KCNJ4: variants seen among roughly 807,000 people sequenced by gnomAD.
KCNJ4 encodes potassium inwardly rectifying channel subfamily J member 4, also known as inward rectifier potassium channel 4.
Under a neutral mutation model 25.6 loss-of-function variants are expected in KCNJ4, and 3 were observed. The ratio of observed to expected loss-of-function variants is 0.12; its 90% confidence interval spans 0.05 to 0.30. The LOEUF is 0.30. Among genes scored for constraint, KCNJ4 ranks in the 10% least tolerant of loss-of-function variants. The pLI is 1.00. For synonymous variants in KCNJ4, 257 were observed against 283.9 expected, an observed-to-expected ratio of 0.91 and a Z score of 0.95; for missense variants, 286 against 666.8, an observed-to-expected ratio of 0.43 and a Z score of 6.29.
At position 38,426,941 on chromosome 22, in the gene KCNJ4, C is replaced by T. The variant is rs1254847020; in HGVS notation, c.1192G>A (p.Ala398Thr). 3 of 1,612,416 alleles carry T rather than the reference C, an allele frequency of 1.9e-6. No individual in the cohort carries two copies. In the African/African-American group the frequency reaches 4.0e-5, roughly 22 times the overall value. The change falls in exon 2 of 2, where the codon GCC becomes ACC. Residue 398 changes from alanine to threonine, a missense_variant. Physicochemically the swap from Ala to Thr is moderately conservative, Grantham distance 58. This residue lies in a region of KCNJ4 where 77 missense variants were observed against 97.6 expected (regional missense o/e 0.79). Transcript: ENST00000303592. ...EEEAAAAAAV[A>T]AGLGLEAGSK... is the part of the protein sequence containing the mutation. ...CCCGCCTCCAGGCCCAGGCCTGCGG[C>T]CACCGCGGCCGCCGCAGCTGCCTCC... is the stretch of plus-strand genomic sequence containing the variant.
chr22:38,434,140 G>C (rs2093058498), intron 1 of KCNJ4, among the ~76,000 whole-genome samples: 1 of 152,218 alleles, frequency 6.6e-6, no homozygotes, highest in Non-Finnish European at 1.5e-5. Context: ...CCTTTAGACA[G>C]GAGCAGGAAG....
intron 1 of KCNJ4, among the ~76,000 whole-genome samples, chr22:38,440,401 G>A (rs754084963): frequency 1.3e-5 from 2 of 152,078 alleles, no homozygotes; most frequent in African/African-American, 2.4e-5. Flanking sequence ...AATTAGCCAG[G>A]CATGGTGGTG....
intron 1 of KCNJ4, among the ~76,000 whole-genome samples, chr22:38,431,951 G>GT (rs111418413): frequency 0.13 from 18,559 of 145,268 alleles, 1,761 homozygotes; most frequent in African/African-American, 0.28. Context: ...GACTAGAGAT[G>GT]TTTTTTTTTT....
At chr22:38,445,969 C>T (rs959270205) in intron 1 of KCNJ4, among the ~76,000 whole-genome samples, 1 of 152,120 alleles carries the variant, frequency 6.6e-6, no homozygotes, top group Non-Finnish European at 1.5e-5. Flanking sequence ...CTGTTAGACC[C>T]CCCAGCTCAC....
chr22:38,434,599 C>CT (rs2093060144), intron 1 of KCNJ4, among the ~76,000 whole-genome samples: 1 of 152,116 alleles, frequency 6.6e-6, no homozygotes, highest in Admixed American at 6.6e-5. Context: ...TCCCCAGCCT[C>CT]TGGCTTCGGG....
chr22:38,454,026 A>C (rs1003160057), intron 1 of KCNJ4, among the ~76,000 whole-genome samples: 6 of 152,178 alleles, frequency 3.9e-5, no homozygotes, highest in African/African-American at 1.4e-4. Context: ...AACTGCCCCC[A>C]AAAGGCCTGA....
At chr22:38,431,167 C>A (rs537287746) in intron 1 of KCNJ4, among the ~76,000 whole-genome samples, 1 of 152,354 alleles carries the variant, frequency 6.6e-6, no homozygotes, top group South Asian at 2.1e-4. Context: ...GCCCAGGGTT[C>A]CAGGGGATCC....
rs145802208 is a variant in KCNJ4 at position 38,427,479 on chromosome 22, G to A, written c.654C>T (p.His218=). The part of the protein sequence containing the change: ...NLRKSHIVEA[H]VRAQLIKPYM... ...AGGGCTTGATGAGCTGGGCCCGCAC[G>A]TGGGCCTCCACAATGTGGCTCTTGC... Residue 218 remains histidine (H), a synonymous_variant, in exon 2 of 2, where the codon CAC becomes CAT. Transcript: ENST00000303592. 2.7e-5 allele frequency: 43 copies of A among 1,612,256 alleles called. No individual in the cohort carries two copies. The highest frequency in any genetic ancestry group is 1.1e-4 in the African/African-American group (8 of 74,894).
At chr22:38,451,675 G>A (rs2145950150) in intron 1 of KCNJ4, among the ~76,000 whole-genome samples, 1 of 152,260 alleles carries the variant, frequency 6.6e-6, no homozygotes. Flanking sequence ...CCTGGATTCA[G>A]GCCCTGGCCC....
intron 1 of KCNJ4, among the ~76,000 whole-genome samples, chr22:38,442,002 G>T (rs1305199910): frequency 1.3e-5 from 2 of 152,150 alleles, no homozygotes; most frequent in Non-Finnish European, 2.9e-5. Flanking sequence ...GGAGAGAGAA[G>T]AAATTTATAG....
chr22:38,427,317 AT>A lies in KCNJ4; in HGVS notation c.815del (p.Tyr272LeufsTer28). The stretch of plus-strand genomic sequence containing the variant: ...ACTCCAGCTCCTCCTTGCCCATGCC[AT>A]AAAGCGGGCTGTCCTCGTCGATCTC... ...VHEIDEDSPL[Y>X]GMGKEELESE... On this transcript the variant is annotated frameshift_variant, in exon 2 of 2. Transcript: ENST00000303592. LOFTEE classifies it high-confidence loss of function. 1 of 1,613,964 alleles carries A rather than the reference AT, an allele frequency of 6.2e-7. No homozygotes were observed. The highest frequency in any genetic ancestry group is 8.5e-7 in the Non-Finnish European group (1 of 1,180,000).
chr22:38,446,938 G>C (rs1409367908), intron 1 of KCNJ4, among the ~76,000 whole-genome samples: 1 of 142,924 alleles, frequency 7.0e-6, no homozygotes, highest in Non-Finnish European at 1.5e-5. Flanking sequence ...TTGGGCAACA[G>C]AGCGAGACTC....
chr22:38,453,948 C>A (rs2089423742), intron 1 of KCNJ4, among the ~76,000 whole-genome samples: 1 of 152,192 alleles, frequency 6.6e-6, no homozygotes, highest in African/African-American at 2.4e-5. Flanking sequence ...CCTGGTCCAC[C>A]TTTTGCTCCC....
At chr22:38,429,936 G>A (rs543419345) in intron 1 of KCNJ4, among the ~76,000 whole-genome samples, 13 of 152,312 alleles carry the variant, frequency 8.5e-5, no homozygotes, top group Admixed American at 3.9e-4. Flanking sequence ...CTCGGTTGCC[G>A]CAGCAACCGG....
intron 1 of KCNJ4, among the ~76,000 whole-genome samples, chr22:38,445,087 G>T (rs896451372): frequency 6.6e-6 from 1 of 152,064 alleles, no homozygotes; most frequent in African/African-American, 2.4e-5. Flanking sequence ...GTGTGTGTGT[G>T]AAAGGGCATA....
intron 1 of KCNJ4, among the ~76,000 whole-genome samples, chr22:38,435,844 A>G (rs1165317680): frequency 6.6e-6 from 1 of 152,138 alleles, no homozygotes; most frequent in African/African-American, 2.4e-5. Flanking sequence ...GGAACTTTGC[A>G]GGGAGGAAGA....
intron 1 of KCNJ4, among the ~76,000 whole-genome samples, chr22:38,450,177 C>T (rs1385993281): frequency 6.6e-6 from 1 of 152,162 alleles, no homozygotes; most frequent in Non-Finnish European, 1.5e-5. Context: ...ACTGGCGATC[C>T]CCCACACCCC....
intron 1 of KCNJ4, among the ~76,000 whole-genome samples, chr22:38,446,471 T>C: frequency 6.6e-6 from 1 of 151,416 alleles, no homozygotes; most frequent in East Asian, 1.9e-4. Flanking sequence ...GGGGCCTGGG[T>C]GAGGGAGGGC....
At chr22:38,439,519 G>A (rs555165444) in intron 1 of KCNJ4, among the ~76,000 whole-genome samples, 5 of 152,280 alleles carry the variant, frequency 3.3e-5, no homozygotes, top group African/African-American at 9.6e-5. Flanking sequence ...GTTCACGCCT[G>A]TAATCCCGGC....
Sources: gnomAD v4.1 joint callset for allele counts (sites outside exome capture counted in the v4.1 genomes callset) on GRCh38, gnomAD v4.1.1 for gene constraint, gnomAD v4.1.1 regional missense constraint, MANE v1.5 for transcripts, NCBI Gene and HGNC (gene_info 2026-07-23, HGNC 2026-07-21) for gene names.